The following USP24 variants were observed in gnomAD, a reference collection of about 807,000 sequenced individuals.
USP24 encodes the protein ubiquitin specific peptidase 24.
A neutral mutation model predicts 361.6 loss-of-function variants in USP24; 97 were observed. That is an observed-to-expected ratio of 0.27 (90% CI 0.23 to 0.32). The LOEUF is 0.32. USP24 is among the 10% of genes least tolerant of loss of function. USP24 has a pLI of 1.00. For missense variants in USP24, 2,353 were observed against 3,165.6 expected (o/e 0.74, Z 6.16); for synonymous variants, 1,098 against 1,124.6 (o/e 0.98, Z 0.47).
chr1:55,201,969 A>G lies in USP24; in HGVS notation c.324+12821T>C, dbSNP rs140604768. On this transcript the variant is annotated intron_variant, in intron 1 of 67. Coordinates refer to ENST00000294383, the MANE Select transcript of USP24 (RefSeq NM_015306.3). ...CAAGTGCAAGGATCAAATTGATACC[A>G]CACACACAGTGCTATGGAATAGCCC... Among the ~76,000 whole-genome samples the G allele has an allele frequency of 6.8e-3, 1,042 of 152,298 alleles. 3 individuals carry two copies. The highest frequency in any genetic ancestry group is 0.01 in the Non-Finnish European group (692 of 68,038).
chr1:55,073,001 T>C (rs1474028361), intron 64 of USP24, 140 bp from the exon 65 acceptor site: 5 of 787,992 alleles, frequency 6.3e-6, no homozygotes, highest in Admixed American at 3.2e-5. Flanking sequence ...GTTCCTAGAG[T>C]AGTCAAATTC....
Position 55,132,749 on chromosome 1 carries a change from T to C in USP24, c.3382-49A>G, listed in dbSNP as rs777196150. 4 of 1,545,594 alleles carry C rather than the reference T, an allele frequency of 2.6e-6. No individual in the cohort carries two copies. The Admixed American group carries it at 5.9e-5, about 23-fold the overall frequency. On this transcript the variant is annotated intron_variant, in intron 30 of 67. Transcript: ENST00000294383. ...ACATAAACTACTTAAAAGGACAAAT[T>C]AAAGAGAAACAGATCTTAGTACACG...
At chr1:55,191,387 T>C (rs1644282770) in intron 1 of USP24, among the ~76,000 whole-genome samples, 2 of 152,168 alleles carry the variant, frequency 1.3e-5, no homozygotes, top group Admixed American at 1.3e-4. Flanking sequence ...TATAGTGCCA[T>C]AAATATGCTA....
Position 55,103,955 on chromosome 1 carries a change from G to C in USP24, c.4946C>G (p.Pro1649Arg), listed in dbSNP as rs1163523854. 6.2e-7 allele frequency: 1 copy of C among 1,611,532 alleles called. No homozygotes were observed. The highest frequency in any genetic ancestry group is 1.3e-5 in the African/African-American group (1 of 74,868). Residue 1649 changes from proline (P) to arginine (R), a missense_variant, in exon 42 of 68, where the codon CCT becomes CGT. Around this residue, in one of 8 missense-constraint regions of USP24, gnomAD observed 949 missense variants for 1,280.5 expected, o/e 0.74. Coordinates refer to ENST00000294383, the MANE Select transcript of USP24 (RefSeq NM_015306.3). Reference sequence around the variant, plus strand: ...TTTTATAATAATTTGAAGATTTGAAGGTGAACTATCAGCCAACATCACAAG... The same window carrying C: ...TTTTATAATAATTTGAAGATTTGAACGTGAACTATCAGCCAACATCACAAG... ...EVLVMLADSS[P>R]SNLQIIIKEL...
At chr1:55,099,706 A>G (rs1192244480) in intron 45 of USP24, 65 bp downstream of exon 45, 1 of 1,163,380 alleles carries the variant, frequency 8.6e-7, no homozygotes, top group Non-Finnish European at 1.2e-6. Flanking sequence ...CCAAATGCTA[A>G]GACACTATTC....
Position 55,171,106 on chromosome 1 carries a change from T to C in USP24, c.825+450A>G, listed in dbSNP as rs1488339490. ...ACTCTTATTGGCAGACTGTAGTCTTTTGATATAAAATATACTGGTTCCAGG... is the reference window on the plus strand; with the variant it reads ...ACTCTTATTGGCAGACTGTAGTCTTCTGATATAAAATATACTGGTTCCAGG... On this transcript the variant is annotated intron_variant, in intron 5 of 67. Coordinates refer to ENST00000294383, the MANE Select transcript of USP24 (RefSeq NM_015306.3). Among the ~76,000 whole-genome samples, 6 of 152,326 alleles carry C rather than the reference T, an allele frequency of 3.9e-5. No individual in the cohort carries two copies. The South Asian group carries it at 1.0e-3, about 26-fold the overall frequency.
At chr1:55,186,460 A>G (rs925392149) in intron 1 of USP24, among the ~76,000 whole-genome samples, 1 of 152,232 alleles carries the variant, frequency 6.6e-6, no homozygotes, top group South Asian at 2.1e-4. Flanking sequence ...GCTTGAGCAG[A>G]TATTTGTACA....
At chr1:55,158,738 T>C in intron 10 of USP24, 140 bp downstream of exon 10, 1 of 771,112 alleles carries the variant, frequency 1.3e-6, no homozygotes, top group South Asian at 6.3e-5. Flanking sequence ...TATACAACAT[T>C]TTATACACAA....
chr1:55,092,423 T>C (rs1057397624), intron 53 of USP24, among the ~76,000 whole-genome samples: 9 of 152,212 alleles, frequency 5.9e-5, no homozygotes, highest in South Asian at 4.1e-4. Flanking sequence ...TTTTCCCTTA[T>C]TGGCAAATTA....
intron 1 of USP24, among the ~76,000 whole-genome samples, chr1:55,208,051 G>T (rs1159870785): frequency 1.3e-5 from 2 of 152,184 alleles, no homozygotes; most frequent in Admixed American, 6.5e-5. Context: ...TGGAAAGATT[G>T]TAAGAATAAT....
At chr1:55,210,037 A>G (rs1222745132) in intron 1 of USP24, among the ~76,000 whole-genome samples, 1 of 152,218 alleles carries the variant, frequency 6.6e-6, no homozygotes, top group East Asian at 1.9e-4. Flanking sequence ...ATTGTTTTCA[A>G]AATTTAAGCT....
At chr1:55,128,859 T>G (rs1275357684) in intron 32 of USP24, among the ~76,000 whole-genome samples, 1 of 151,718 alleles carries the variant, frequency 6.6e-6, no homozygotes, top group East Asian at 1.9e-4. Flanking sequence ...GGACTACAAG[T>G]GCATGTCATC....
intron 1 of USP24, among the ~76,000 whole-genome samples, chr1:55,212,214 C>A: frequency 6.6e-6 from 1 of 152,226 alleles, no homozygotes; most frequent in South Asian, 2.1e-4. Flanking sequence ...ATCTGATTCA[C>A]CTTATATTCT....
At chr1:55,094,128 G>A in intron 51 of USP24, 41 bp from the exon 52 acceptor site, 1 of 1,563,180 alleles carries the variant, frequency 6.4e-7, no homozygotes, top group Non-Finnish European at 8.7e-7. Flanking sequence ...GTATAAAGTG[G>A]CTATTTTTTC....
At chr1:55,076,222 A>G (rs1230321013) in intron 62 of USP24, among the ~76,000 whole-genome samples, 1 of 152,188 alleles carries the variant, frequency 6.6e-6, no homozygotes, top group Non-Finnish European at 1.5e-5. Flanking sequence ...TTTTGCTATC[A>G]TAGCTGTATT....
intron 1 of USP24, among the ~76,000 whole-genome samples, chr1:55,209,062 T>C (rs1644785183): frequency 6.6e-6 from 1 of 150,440 alleles, no homozygotes; most frequent in Non-Finnish European, 1.5e-5. Flanking sequence ...ATTCCTATGA[T>C]AAAGAAAATG....
chr1:55,084,187 T>C (rs903804685), intron 56 of USP24, among the ~76,000 whole-genome samples: 1 of 152,212 alleles, frequency 6.6e-6, no homozygotes, highest in African/African-American at 2.4e-5. Context: ...CCAGTATCTC[T>C]CTGTCTCTTA....
chr1:55,080,719 G>A (rs1379232947), intron 59 of USP24, among the ~76,000 whole-genome samples: 1 of 152,166 alleles, frequency 6.6e-6, no homozygotes, highest in Non-Finnish European at 1.5e-5. Flanking sequence ...ACACACATAA[G>A]TTAGGACACT....
intron 1 of USP24, among the ~76,000 whole-genome samples, chr1:55,206,987 C>T (rs753122960): frequency 9.9e-5 from 15 of 151,830 alleles, no homozygotes; most frequent in South Asian, 2.1e-4. Context: ...CGCAACATGG[C>T]GAAACCCTAT....
Sources: gnomAD v4.1 joint callset for allele counts (sites outside exome capture counted in the v4.1 genomes callset) on GRCh38, gnomAD v4.1.1 for gene constraint, gnomAD v4.1.1 regional missense constraint, MANE v1.5 for transcripts, NCBI Gene and HGNC (gene_info 2026-07-23, HGNC 2026-07-21) for gene names.